KLF8: variants seen among roughly 807,000 people sequenced by gnomAD.
KLF8 encodes Krueppel-like factor 8.
In KLF8, 10 loss-of-function variants were observed where a neutral mutation model predicts 18.2. That is an observed-to-expected ratio of 0.55 (90% confidence interval 0.34 to 0.93). The LOEUF is 0.93. Among genes scored for constraint, KLF8 ranks in the 40% least tolerant of loss-of-function variants. The pLI is 0.02. For missense variants in KLF8, 264 were observed against 277.9 expected, an observed-to-expected ratio of 0.95 and a Z score of 0.36; for synonymous variants, 109 against 97.3, an observed-to-expected ratio of 1.12 and a Z score of -0.71.
the KLF8 span, among the ~76,000 whole-genome samples, chrX:56,158,799 G>A: frequency 9.0e-6 from 1 of 111,581 alleles, no homozygotes; most frequent in Admixed American, 9.6e-5. Flanking sequence ...GAGACAATGG[G>A]GTTTTCTAGA....
the KLF8 span, among the ~76,000 whole-genome samples, chrX:55,986,391 A>G: frequency 5.3e-5 from 6 of 112,209 alleles, no homozygotes; most frequent in Non-Finnish European, 9.4e-5. Context: ...TCATAATCAT[A>G]TGGTTTTTCT....
chrX:56,112,098 A>G, the KLF8 span, among the ~76,000 whole-genome samples: 1 of 112,102 alleles, frequency 8.9e-6, no homozygotes, highest in Non-Finnish European at 1.9e-5. Flanking sequence ...CCCATCAATG[A>G]TAGACCGGAT....
chrX:56,175,422 A>G, the KLF8 span, among the ~76,000 whole-genome samples: 1 of 111,757 alleles, frequency 8.9e-6, no homozygotes, highest in Non-Finnish European at 1.9e-5. Context: ...TGAGTTTCTT[A>G]GTTCTGAGTT....
chrX:56,205,596 A>T, the KLF8 span, among the ~76,000 whole-genome samples: 2 of 112,327 alleles, frequency 1.8e-5, no homozygotes, highest in East Asian at 2.8e-4. Flanking sequence ...ATCAATATTC[A>T]TTAGAGATAT....
At chrX:56,026,268 C>T in the KLF8 span, among the ~76,000 whole-genome samples, 1 of 111,498 alleles carries the variant, frequency 9.0e-6, no homozygotes, top group South Asian at 3.8e-4. Flanking sequence ...GATTCACACA[C>T]GGTCATCTGG....
At chrX:56,259,211 C>G (rs1035623820) in intron 2 of KLF8, among the ~76,000 whole-genome samples, 1 of 110,337 alleles carries the variant, frequency 9.1e-6, no homozygotes, top group East Asian at 2.8e-4. Context: ...CTCTCTCTCT[C>G]CCCCCATTTT....
At chrX:55,919,767 A>G in the KLF8 span, among the ~76,000 whole-genome samples, 1 of 111,478 alleles carries the variant, frequency 9.0e-6, no homozygotes, top group African/African-American at 3.3e-5. Context: ...CTCTGCCCCC[A>G]CCTGGTGGTC....
the KLF8 span, among the ~76,000 whole-genome samples, chrX:56,069,742 T>A: frequency 9.0e-6 from 1 of 111,592 alleles, no homozygotes; most frequent in Non-Finnish European, 1.9e-5. Context: ...CCAGCAGTCA[T>A]GCCCGGCTTC....
chrX:56,243,654 G>C, intron 1 of KLF8, among the ~76,000 whole-genome samples: 1 of 102,765 alleles, frequency 9.7e-6, no homozygotes, highest in Non-Finnish European at 2.0e-5. Flanking sequence ...TCTTGCCTCA[G>C]CCTCCCAAGT....
the KLF8 span, among the ~76,000 whole-genome samples, chrX:56,004,472 T>C: frequency 8.9e-6 from 1 of 111,894 alleles, no homozygotes; most frequent in African/African-American, 3.3e-5. Context: ...GTGCTTTTAG[T>C]ACCCCTAGGC....
chrX:56,133,827 C>T, the KLF8 span, among the ~76,000 whole-genome samples: 4 of 110,562 alleles, frequency 3.6e-5, no homozygotes, highest in African/African-American at 1.3e-4. Flanking sequence ...TTTCAGGATA[C>T]TAAATTAATG....
chrX:55,994,003 C>T, the KLF8 span, among the ~76,000 whole-genome samples: 139 of 107,733 alleles, frequency 1.3e-3, no homozygotes, highest in African/African-American at 4.4e-3. Flanking sequence ...CTCCGCCTCC[C>T]GGGTTCAAGA....
chrX:56,037,194 A>T, the KLF8 span, among the ~76,000 whole-genome samples: 24 of 111,403 alleles, frequency 2.2e-4, no homozygotes, highest in Admixed American at 8.6e-4. Context: ...TATTATGTTG[A>T]ATAAGAGTGG....
chrX:56,240,742 A>G (rs1358117219), intron 1 of KLF8, among the ~76,000 whole-genome samples: 2 of 111,705 alleles, frequency 1.8e-5, no homozygotes, highest in Admixed American at 1.9e-4. Flanking sequence ...AGGAAAAAAA[A>G]AGAGCTTTGG....
At chrX:55,964,395 G>A in the KLF8 span, among the ~76,000 whole-genome samples, 1 of 111,643 alleles carries the variant, frequency 9.0e-6, no homozygotes, top group Non-Finnish European at 1.9e-5. Flanking sequence ...GAGCAACATG[G>A]TGAAACTTCA....
chrX:56,237,822 T>C (rs2066496308), intron 1 of KLF8, among the ~76,000 whole-genome samples: 1 of 111,886 alleles, frequency 8.9e-6, no homozygotes, highest in Admixed American at 9.5e-5. Context: ...GGTGCCAACA[T>C]GGTCAGATTT....
chrX:56,038,266 C>T, the KLF8 span, among the ~76,000 whole-genome samples: 3 of 111,272 alleles, frequency 2.7e-5, no homozygotes, highest in South Asian at 3.8e-4. Flanking sequence ...TGTGCAGATC[C>T]GTTACATAAG....
chrX:56,255,821 C>T (rs1460069426), intron 2 of KLF8, among the ~76,000 whole-genome samples: 1 of 111,776 alleles, frequency 8.9e-6, no homozygotes, highest in Non-Finnish European at 1.9e-5. Context: ...CATCAGTATT[C>T]ATCAGAGATA....
the KLF8 span, among the ~76,000 whole-genome samples, chrX:56,048,587 G>A: frequency 1.8e-5 from 2 of 111,581 alleles, no homozygotes; most frequent in African/African-American, 3.3e-5. Flanking sequence ...TAGATGTGCG[G>A]CATTATTTAT....
Sources: gnomAD v4.1 joint callset for allele counts (sites outside exome capture counted in the v4.1 genomes callset) on GRCh38, gnomAD v4.1.1 for gene constraint, MANE v1.5 for transcripts, NCBI Gene and HGNC (gene_info 2026-07-23, HGNC 2026-07-21) for gene names.